The following PCDH15 variants were observed in gnomAD, a reference collection of about 807,000 sequenced individuals.
The protein encoded by PCDH15 is protocadherin-15.
Under a neutral mutation model 178.5 loss-of-function variants are expected in PCDH15, and 129 were observed. The observed-to-expected ratio is 0.72, with a 90% CI of 0.63 to 0.84. PCDH15 has a LOEUF of 0.84. Ranked by LOEUF, PCDH15 falls within the 40% of genes least tolerant of loss-of-function variation. The pLI is 0.00. For synonymous variants in PCDH15, 800 were observed against 732.0 expected (o/e 1.09, Z -1.50); for missense variants, 2,230 against 2,099.9 (o/e 1.06, Z -1.21).
At chr10:55,454,259 A>G (rs1839498980) in intron 2 of PCDH15, among the ~76,000 whole-genome samples, 2 of 152,162 alleles carry the variant, frequency 1.3e-5, no homozygotes, top group Admixed American at 1.3e-4. Context: ...TAGCTTATAA[A>G]TTAAGAATTG....
At chr10:54,679,815 A>T (rs2094866227) in intron 1 of PCDH15, among the ~76,000 whole-genome samples, 1 of 152,204 alleles carries the variant, frequency 6.6e-6, no homozygotes, top group Admixed American at 6.5e-5. Flanking sequence ...TTAAAACATT[A>T]TTGTTACTTT....
chr10:55,179,595 G>C (rs1286468016), intron 1 of PCDH15, among the ~76,000 whole-genome samples: 4 of 151,908 alleles, frequency 2.6e-5, no homozygotes, highest in African/African-American at 9.7e-5. Flanking sequence ...CACAAAGTTA[G>C]CTTACCCACT....
chr10:54,944,253 C>T (rs937668700), intron 2 of PCDH15, among the ~76,000 whole-genome samples: 5 of 151,924 alleles, frequency 3.3e-5, no homozygotes, highest in Admixed American at 2.0e-4. Flanking sequence ...CAAAATGTAG[C>T]TCTATTTCCC....
At chr10:54,480,223 C>T (rs992189121) in intron 3 of PCDH15, among the ~76,000 whole-genome samples, 6 of 152,040 alleles carry the variant, frequency 3.9e-5, no homozygotes, top group Non-Finnish European at 5.9e-5. Flanking sequence ...TAATTAAATA[C>T]TTATTTGTGT....
At chr10:54,903,265 T>G (rs1481194694) in intron 2 of PCDH15, among the ~76,000 whole-genome samples, 1 of 133,642 alleles carries the variant, frequency 7.5e-6, no homozygotes, top group African/African-American at 2.8e-5. Context: ...ATATATGGCT[T>G]TTTTGAACAT....
intron 3 of PCDH15, among the ~76,000 whole-genome samples, chr10:54,424,947 A>G (rs1956077655): frequency 6.6e-6 from 1 of 151,216 alleles, no homozygotes; most frequent in Admixed American, 6.6e-5. Flanking sequence ...AACATGGCAC[A>G]TGTATATATA....
intron 11 of PCDH15, among the ~76,000 whole-genome samples, chr10:54,194,354 A>G (rs148973854): frequency 3.9e-5 from 6 of 152,224 alleles, no homozygotes; most frequent in South Asian, 2.1e-4. Context: ...GCAAAATTTA[A>G]AAGTTATGTT....
intron 21 of PCDH15, among the ~76,000 whole-genome samples, chr10:53,991,112 C>T (rs923410807): frequency 6.6e-5 from 10 of 152,244 alleles, no homozygotes; most frequent in East Asian, 1.9e-4. Flanking sequence ...TGGGCTCCCG[C>T]GCAGCCCGAG....
intron 2 of PCDH15, among the ~76,000 whole-genome samples, chr10:55,443,097 C>G (rs1839234578): frequency 6.6e-6 from 1 of 152,078 alleles, no homozygotes; most frequent in Non-Finnish European, 1.5e-5. Flanking sequence ...ATGCAGAAAA[C>G]TGAAACTGGA....
rs375941075 is a variant in PCDH15 at position 54,770,753 on chromosome 10, G to A, written c.-29+30172C>T. 1.1e-3 allele frequency among the ~76,000 whole-genome samples: 164 copies of A among 151,908 alleles called. 1 individual carries two copies. Among genetic ancestry groups the A allele is most frequent in the African/African-American group, 3.7e-3 (155 of 41,398 alleles). On this transcript the variant is annotated intron_variant, in intron 1 of 37. Transcript: ENST00000644397. ...TTATGCTGTAGAAACTTACAAGGAG[G>A]GAAATTAAATGAAGTTACTTAATCT...
chr10:54,676,631 T>C (rs1260810325), intron 1 of PCDH15, among the ~76,000 whole-genome samples: 1 of 152,188 alleles, frequency 6.6e-6, no homozygotes, highest in Non-Finnish European at 1.5e-5. Context: ...ATAATTACTT[T>C]AAAAACTAAC....
chr10:54,954,398 A>G (rs1028575493), intron 2 of PCDH15, among the ~76,000 whole-genome samples: 2 of 151,190 alleles, frequency 1.3e-5, no homozygotes, highest in African/African-American at 2.4e-5. Context: ...TCTCATCTCT[A>G]TTGAACATAT....
At chr10:54,191,203 T>C (rs1017220830) in intron 11 of PCDH15, among the ~76,000 whole-genome samples, 1 of 152,156 alleles carries the variant, frequency 6.6e-6, no homozygotes, top group African/African-American at 2.4e-5. Flanking sequence ...TGCTAAGATA[T>C]AGGACCTATT....
At chr10:54,227,368 T>C (rs1459404545) in intron 9 of PCDH15, among the ~76,000 whole-genome samples, 1 of 152,222 alleles carries the variant, frequency 6.6e-6, no homozygotes, top group Non-Finnish European at 1.5e-5. Flanking sequence ...TTACACCCTC[T>C]GAAGCAGGGC....
chr10:54,587,099 T>A (rs2091526089), intron 2 of PCDH15, among the ~76,000 whole-genome samples: 1 of 152,160 alleles, frequency 6.6e-6, no homozygotes, highest in African/African-American at 2.4e-5. Context: ...TGCTCTTTGG[T>A]CCAAAATCAT....
At chr10:54,060,441 G>A (rs548592008) in intron 18 of PCDH15, among the ~76,000 whole-genome samples, 13 of 152,046 alleles carry the variant, frequency 8.6e-5, no homozygotes, top group South Asian at 2.1e-4. Context: ...TATAATATAC[G>A]TAGCCATACT....
chr10:54,290,867 C>T (rs1271423146), intron 8 of PCDH15, among the ~76,000 whole-genome samples: 1 of 152,146 alleles, frequency 6.6e-6, no homozygotes, highest in Middle Eastern at 3.2e-3. Context: ...TATATATGCA[C>T]CTAATACAGG....
chr10:54,368,197 T>C (rs1374454442), intron 5 of PCDH15, among the ~76,000 whole-genome samples: 2 of 151,990 alleles, frequency 1.3e-5, no homozygotes, highest in East Asian at 3.9e-4. Context: ...ACAAGAATGT[T>C]GAAATAACTA....
intron 2 of PCDH15, among the ~76,000 whole-genome samples, chr10:55,075,524 T>C (rs1733751): frequency 0.57 from 86,276 of 151,618 alleles, 24,899 homozygotes; most frequent in East Asian, 0.75. Flanking sequence ...TGCCACCGTG[T>C]CCAGCTAATT....
Sources: allele counts gnomAD v4.1 joint callset (sites outside exome capture counted in the v4.1 genomes callset), GRCh38; gene constraint gnomAD v4.1.1; transcripts MANE v1.5; gene names NCBI Gene and HGNC (gene_info 2026-07-23, HGNC 2026-07-21).